The following ZNF561 variants were observed in gnomAD, a reference collection of about 807,000 sequenced individuals.
The protein encoded by ZNF561 is zinc finger protein 561.
ZNF561 carries 16 observed loss-of-function variants against 16.7 expected under a neutral mutation model. The ratio of observed to expected loss-of-function variants is 0.96; its 90% CI spans 0.65 to 1.45. The LOEUF (loss-of-function observed/expected upper bound fraction) is 1.45, where lower values mean the gene tolerates loss of function less well. Ranked by LOEUF, ZNF561 falls within the 40% of genes most tolerant of loss-of-function variation. The probability of loss-of-function intolerance (pLI) is 0.00; values close to 1 mark genes in which losing one functional copy is unlikely to be tolerated. For synonymous variants in ZNF561, 190 were observed against 192.1 expected (o/e 0.99, Z 0.09); for missense variants, 580 against 578.0 (o/e 1.00, Z -0.04).
At chr19:9,620,246 T>A (rs375666226) in intron 1 of ZNF561, among the ~76,000 whole-genome samples, 5 of 152,172 alleles carry the variant, frequency 3.3e-5, no homozygotes, top group East Asian at 3.8e-4. Context: ...TGCACTACCA[T>A]GCCTGGCTAA....
In ZNF561 at chr19:9,611,207, C is replaced by G. The variant is rs373311970; in HGVS notation, c.454G>C (p.Gly152Arg). Residue 152 changes from glycine (G) to arginine (R), a missense_variant, in exon 6 of 6, where the codon GGA becomes CGA. Gly to Arg is a moderately radical substitution (Grantham distance 125, BLOSUM62 -2). Coordinates refer to ENST00000302851, the MANE Select transcript of ZNF561 (RefSeq NM_152289.3). ...GGNTSEGNCY[G>R]KDTLSVHKEA... ...TTGTGCACACTGAGGGTGTCTTTTC[C>G]ATAACAATTACCCTCAGAAGTATTC... The G allele has an allele frequency of 1.2e-5, 20 of 1,613,776 alleles. No homozygotes were observed. Among genetic ancestry groups the G allele is most frequent in the Non-Finnish European group, 1.7e-5 (20 of 1,179,872 alleles).
intron 5 of ZNF561, among the ~76,000 whole-genome samples, chr19:9,613,394 C>T (rs1365477911): frequency 6.6e-6 from 1 of 151,946 alleles, no homozygotes; most frequent in Non-Finnish European, 1.5e-5. Flanking sequence ...GCCACCACAC[C>T]TGGCTAACTT....
At chr19:9,617,778 G>A in intron 3 of ZNF561, 1 of 469,174 alleles carries the variant, frequency 2.1e-6, no homozygotes, top group Non-Finnish European at 4.3e-6. Context: ...GCTGATAAGT[G>A]AATGATTTGA....
At chr19:9,611,425 T>C in intron 5 of ZNF561, 89 bp from the exon 6 acceptor site, 1 of 1,334,634 alleles carries the variant, frequency 7.5e-7, no homozygotes, top group South Asian at 1.9e-5. Flanking sequence ...TTGATGACAA[T>C]TATGATTTTA....
At position 9,607,703 on chromosome 19, in the gene ZNF561, AT is replaced by A. The variant is rs2074374203; in HGVS notation, c.*2496del. ...AAAGCAAGAAAATATATATATAGGT[AT>A]AACCTAACGACTAAAGTGGAAAAGT... On this transcript the variant is annotated 3_prime_UTR_variant, in exon 6 of 6. Coordinates refer to ENST00000302851, the MANE Select transcript of ZNF561 (RefSeq NM_152289.3). 1 of 152,198 alleles carries A rather than the reference AT, an allele frequency of 6.6e-6. No individual in the cohort carries two copies. 9.4% of individuals were successfully genotyped at this position (152,198 alleles called of 1,614,324 possible).
At chr19:9,616,161 G>A (rs922228121) in intron 4 of ZNF561, among the ~76,000 whole-genome samples, 2 of 152,178 alleles carry the variant, frequency 1.3e-5, no homozygotes, top group South Asian at 4.1e-4. Flanking sequence ...ACTACAGCAG[G>A]GACTGTTACT....
In ZNF561 at chr19:9,610,231, T is replaced by C. The variant is rs372348725; in HGVS notation, c.1430A>G (p.Tyr477Cys). 16 of 1,607,658 alleles carry C rather than the reference T, an allele frequency of 1.0e-5. No homozygotes were observed. The African/African-American group carries it at 1.6e-4, about 16-fold the overall frequency. Residue 477 changes from tyrosine (Y) to cysteine (C), a missense_variant, in exon 6 of 6, where the codon TAT becomes TGT. Transcript: ENST00000302851. ...HERIHTGEKP[Y>C]ECKDMSVTI Reference sequence around the variant, plus strand: ...GGTAACACTCATATCCTTGCATTCATAGGGTTTCTCCCCAGTGTGAATTCT... The same window carrying C: ...GGTAACACTCATATCCTTGCATTCACAGGGTTTCTCCCCAGTGTGAATTCT...
intron 4 of ZNF561, among the ~76,000 whole-genome samples, chr19:9,615,680 T>G (rs2074541522): frequency 6.7e-6 from 1 of 149,950 alleles, no homozygotes; most frequent in African/African-American, 2.5e-5. Flanking sequence ...CCGAGGTGGG[T>G]GGATCACCCG....
At chr19:9,614,161 T>C in intron 4 of ZNF561, 58 bp from the exon 5 acceptor site, 7 of 1,583,664 alleles carry the variant, frequency 4.4e-6, no homozygotes, top group Non-Finnish European at 6.0e-6. Context: ...TCATTTAAAA[T>C]GAGTCATTTT....
At chr19:9,615,439 A>G (rs1235136661) in intron 4 of ZNF561, among the ~76,000 whole-genome samples, 1 of 151,444 alleles carries the variant, frequency 6.6e-6, no homozygotes, top group Non-Finnish European at 1.5e-5. Flanking sequence ...TCTACTAAAA[A>G]TACAAAAATT....
chr19:9,619,481 T>C lies in ZNF561; in HGVS notation c.-25A>G. 1.2e-6 allele frequency: 2 copies of C among 1,612,580 alleles called. No homozygotes were observed. Among genetic ancestry groups the C allele is most frequent in the Non-Finnish European group, 1.7e-6 (2 of 1,179,022 alleles). On this transcript the variant is annotated 5_prime_UTR_variant, in exon 2 of 6. Coordinates refer to ENST00000302851, the MANE Select transcript of ZNF561 (RefSeq NM_152289.3). ...TTCTCTGAAGCTGATGGTGTGATGA[T>C]GTGCATCCCTTCCTTGATGCCAAGA...
rs768271012 is a variant in ZNF561 at position 9,614,018 on chromosome 19, T to C, written c.324+3A>G. The C allele has an allele frequency of 6.2e-7, 1 of 1,613,086 alleles. No individual in the cohort carries two copies. Among genetic ancestry groups the C allele is most frequent in the African/African-American group, 1.3e-5 (1 of 74,918 alleles). On this transcript the variant is annotated splice_donor_region_variant and intron_variant, in intron 5 of 5. Transcript: ENST00000302851. ...ATTAAGAAATATCCCTCATGAATCTTACCATTTGTATCCCACTGAATATTT... is the reference window on the plus strand; with the variant it reads ...ATTAAGAAATATCCCTCATGAATCTCACCATTTGTATCCCACTGAATATTT...
At chr19:9,618,445 G>T (rs865905288) in intron 2 of ZNF561, among the ~76,000 whole-genome samples, 1 of 152,150 alleles carries the variant, frequency 6.6e-6, no homozygotes, top group Non-Finnish European at 1.5e-5. Context: ...TGTGACTCTC[G>T]TCCAGGTGCG....
chr19:9,614,150 T>C (rs1375065075), intron 4 of ZNF561, 47 bp from the exon 5 acceptor site: 3 of 1,599,448 alleles, frequency 1.9e-6, no homozygotes, highest in Non-Finnish European at 2.6e-6. Flanking sequence ...AGAAGAAATA[T>C]TCATTTAAAA....
Position 9,610,821 on chromosome 19 carries a change from G to C in ZNF561, c.840C>G (p.Ser280=), listed in dbSNP as rs1308116322. Residue 280 remains serine, a synonymous_variant, in exon 6 of 6, where the codon TCC becomes TCG. Transcript: ENST00000302851. ...ATCTTCCACATTCTTTACATTCAAAGGACTTCTCTCCTTTATGAGTTTTCA... is the reference window on the plus strand; with the variant it reads ...ATCTTCCACATTCTTTACATTCAAACGACTTCTCTCCTTTATGAGTTTTCA... ...APVKTHKGEK[S]FECKECGRSF... 6.2e-7 allele frequency: 1 copy of C among 1,614,054 alleles called. No individual in the cohort carries two copies. The highest frequency in any genetic ancestry group is 1.1e-5 in the South Asian group (1 of 91,078).
At chr19:9,613,764 A>G (rs2074503802) in intron 5 of ZNF561, among the ~76,000 whole-genome samples, 1 of 152,084 alleles carries the variant, frequency 6.6e-6, no homozygotes, top group Non-Finnish European at 1.5e-5. Context: ...TGATCCACCC[A>G]TCTCGGCCTC....
At chr19:9,611,861 C>T (rs2074464890) in intron 5 of ZNF561, among the ~76,000 whole-genome samples, 1 of 152,214 alleles carries the variant, frequency 6.6e-6, no homozygotes, top group South Asian at 2.1e-4. Flanking sequence ...ATCATCCTGC[C>T]TTAGCTTCCT....
At chr19:9,619,099 A>T (rs2074612350) in intron 2 of ZNF561, 1 of 163,934 alleles carries the variant, frequency 6.1e-6, no homozygotes, top group Non-Finnish European at 1.3e-5. Flanking sequence ...ACAAACAAAC[A>T]AACAAAAATT....
chr19:9,615,312 G>T (rs116076358), intron 4 of ZNF561, among the ~76,000 whole-genome samples: 1 of 151,914 alleles, frequency 6.6e-6, no homozygotes, highest in Non-Finnish European at 1.5e-5. Flanking sequence ...AAGAAATAAA[G>T]TAGGCTGGGT....
Sources: gnomAD v4.1 joint callset for allele counts (sites outside exome capture counted in the v4.1 genomes callset) on GRCh38, gnomAD v4.1.1 for gene constraint, MANE v1.5 for transcripts, NCBI Gene and HGNC (gene_info 2026-07-23, HGNC 2026-07-21) for gene names.